ZFAT: variants seen among roughly 807,000 people sequenced by gnomAD.
ZFAT encodes zinc finger protein ZFAT.
ZFAT carries 64 observed loss-of-function variants against 117.7 expected under a neutral mutation model. The ratio of observed to expected loss-of-function variants is 0.54; its 90% CI spans 0.44 to 0.67. ZFAT has a LOEUF of 0.67. ZFAT is among the 30% of genes least tolerant of loss of function. The probability of loss-of-function intolerance (pLI) is 0.00; values close to 1 mark genes in which losing one functional copy is unlikely to be tolerated. For missense variants in ZFAT, 1,433 were observed against 1,584.5 expected, an observed-to-expected ratio of 0.90 and a Z score of 1.62; for synonymous variants, 679 against 615.0, an observed-to-expected ratio of 1.10 and a Z score of -1.54.
chr8:134,817,843 A>T, the ZFAT span, among the ~76,000 whole-genome samples: 5 of 152,212 alleles, frequency 3.3e-5, no homozygotes, highest in Admixed American at 1.3e-4. Context: ...CCTCAATGGA[A>T]CAAAATCGAG....
chr8:134,661,313 C>A (rs1209381160), intron 1 of ZFAT, among the ~76,000 whole-genome samples: 1 of 152,202 alleles, frequency 6.6e-6, no homozygotes. Flanking sequence ...GGACAGAGAT[C>A]CCCAGCACAG....
At chr8:134,514,241 T>G (rs1386654187) in intron 13 of ZFAT, among the ~76,000 whole-genome samples, 3 of 152,210 alleles carry the variant, frequency 2.0e-5, no homozygotes, top group African/African-American at 7.2e-5. Flanking sequence ...TTCTGTTGGG[T>G]TCACGGCTCT....
At chr8:134,581,638 T>A (rs967219403) in intron 10 of ZFAT, among the ~76,000 whole-genome samples, 1 of 151,932 alleles carries the variant, frequency 6.6e-6, no homozygotes. Context: ...CTGCCTGGAG[T>A]GCAGTGGTGC....
At chr8:134,561,257 A>G (rs554779236) in intron 11 of ZFAT, among the ~76,000 whole-genome samples, 3 of 152,368 alleles carry the variant, frequency 2.0e-5, no homozygotes, top group South Asian at 2.1e-4. Flanking sequence ...CATAAAATGG[A>G]AAACACCTAC....
chr8:134,725,556 A>G, the ZFAT span, among the ~76,000 whole-genome samples: 5 of 152,088 alleles, frequency 3.3e-5, no homozygotes, highest in East Asian at 5.8e-4. Flanking sequence ...CAGCAAAGGT[A>G]TGGTGCCAAA....
At chr8:134,491,367 G>A (rs780983749) in intron 15 of ZFAT, among the ~76,000 whole-genome samples, 21 of 152,350 alleles carry the variant, frequency 1.4e-4, no homozygotes, top group Non-Finnish European at 2.8e-4. Flanking sequence ...TGGACACTAC[G>A]CTTAGGAGAA....
At chr8:134,536,721 T>C (rs892553510) in intron 11 of ZFAT, among the ~76,000 whole-genome samples, 1 of 152,196 alleles carries the variant, frequency 6.6e-6, no homozygotes, top group Non-Finnish European at 1.5e-5. Context: ...CAGGAATACA[T>C]GGCAAATGAG....
At chr8:134,754,483 C>T in the ZFAT span, among the ~76,000 whole-genome samples, 8,577 of 152,310 alleles carry the variant, frequency 0.056, 293 homozygotes, top group Admixed American at 0.085. Context: ...CATGGGCTGC[C>T]GGTCACACAG....
chr8:134,669,012 A>T (rs1832409442), intron 1 of ZFAT, among the ~76,000 whole-genome samples: 1 of 152,252 alleles, frequency 6.6e-6, no homozygotes, highest in Non-Finnish European at 1.5e-5. Context: ...GTGATTGAAG[A>T]TCAAATGAAT....
At chr8:134,681,055 C>A (rs1460424686) in intron 1 of ZFAT, among the ~76,000 whole-genome samples, 1 of 152,220 alleles carries the variant, frequency 6.6e-6, no homozygotes, top group Non-Finnish European at 1.5e-5. Flanking sequence ...GTGGCTTATC[C>A]ATGAGCCCAG....
At chr8:134,696,635 T>G in intron 1 of ZFAT, 1 of 984,954 alleles carries the variant, frequency 1.0e-6, no homozygotes, top group Non-Finnish European at 1.2e-6. Flanking sequence ...GCCACAGCCC[T>G]GCCCAGGTGG....
chr8:134,639,975 G>A (rs1426499052), intron 2 of ZFAT: 3 of 353,088 alleles, frequency 8.5e-6, no homozygotes, highest in Non-Finnish European at 1.7e-5. Context: ...TGGCTACAGG[G>A]AGGTGATTTC....
At chr8:134,712,713 C>T in intron 1 of ZFAT, 132 bp downstream of exon 1, 1 of 757,576 alleles carries the variant, frequency 1.3e-6, no homozygotes, top group South Asian at 2.2e-5. Flanking sequence ...AGACCCGGAT[C>T]CCTCCGCGGC....
At chr8:134,648,050 C>A (rs1831002311) in intron 2 of ZFAT, among the ~76,000 whole-genome samples, 1 of 151,814 alleles carries the variant, frequency 6.6e-6, no homozygotes, top group Non-Finnish European at 1.5e-5. Context: ...CACGTACATA[C>A]AAAAATAATG....
chr8:134,796,443 G>T, the ZFAT span: 1 of 152,252 alleles, frequency 6.6e-6, no homozygotes, highest in South Asian at 2.1e-4. Flanking sequence ...CTGGTTGTTG[G>T]TGGAGAGAAA....
the ZFAT span, chr8:134,804,973 G>C: frequency 1.9e-6 from 1 of 530,890 alleles, no homozygotes; most frequent in South Asian, 1.4e-5. Flanking sequence ...AATTTAAGAG[G>C]AGGAACAGAC....
intron 3 of ZFAT, among the ~76,000 whole-genome samples, chr8:134,618,743 C>A (rs1046529133): frequency 6.6e-6 from 1 of 152,114 alleles, no homozygotes; most frequent in Non-Finnish European, 1.5e-5. Context: ...CATTTCTGCA[C>A]AAAAGAAATA....
intron 1 of ZFAT, among the ~76,000 whole-genome samples, chr8:134,671,602 C>T (rs951700460): frequency 1.0e-3 from 154 of 152,150 alleles, no homozygotes; most frequent in Non-Finnish European, 1.7e-3. Context: ...TGGGACGTAT[C>T]TCAAAATAAT....
chr8:134,632,673 A>C (rs533601265), intron 3 of ZFAT, among the ~76,000 whole-genome samples: 93 of 152,242 alleles, frequency 6.1e-4, no homozygotes, highest in Non-Finnish European at 1.2e-3. Flanking sequence ...AATACGATAC[A>C]AACAGTGGTG....
Sources: gnomAD v4.1 joint callset for allele counts (sites outside exome capture counted in the v4.1 genomes callset) on GRCh38, gnomAD v4.1.1 for gene constraint, MANE v1.5 for transcripts, NCBI Gene and HGNC (gene_info 2026-07-23, HGNC 2026-07-21) for gene names.